PAK3: variants seen among roughly 807,000 people sequenced by gnomAD.
PAK3 encodes p21 (RAC1) activated kinase 3.
PAK3 carries 4 observed loss-of-function variants against 41.0 expected under a neutral mutation model. The observed-to-expected ratio is 0.10, with a 90% confidence interval of 0.05 to 0.22. PAK3 has a LOEUF of 0.22. Among genes scored for constraint, PAK3 ranks in the 10% least tolerant of loss-of-function variants. The probability of loss-of-function intolerance (pLI) is 1.00; values close to 1 mark genes in which losing one functional copy is unlikely to be tolerated. For synonymous variants in PAK3, 146 were observed against 139.6 expected (o/e 1.05, Z -0.32); for missense variants, 205 against 409.9 (o/e 0.50, Z 4.32).
At chrX:111,002,756 G>A (rs962386768) in intron 1 of PAK3, among the ~76,000 whole-genome samples, 8 of 111,700 alleles carry the variant, frequency 7.2e-5, no homozygotes, top group Admixed American at 9.5e-5. Flanking sequence ...AGAGCCAGCA[G>A]CTGCAGTAGA....
intron 1 of PAK3, among the ~76,000 whole-genome samples, chrX:111,015,793 G>T (rs1027693511): frequency 9.0e-6 from 1 of 111,725 alleles, no homozygotes; most frequent in African/African-American, 3.2e-5. Context: ...TTTAAATCAG[G>T]TTATTTGTTG....
intron 3 of PAK3, among the ~76,000 whole-genome samples, chrX:111,099,166 A>G (rs936865973): frequency 8.0e-5 from 9 of 112,203 alleles, no homozygotes; most frequent in Non-Finnish European, 1.7e-4. Flanking sequence ...GTCTATTTCC[A>G]TTTCCTCCCA....
Position 111,139,299 on chromosome X carries a change from A to G in PAK3, c.176-2797A>G, listed in dbSNP as rs1414065384. Among the ~76,000 whole-genome samples the G allele has an allele frequency of 5.4e-5, 6 of 111,690 alleles. No individual in the cohort carries two copies. In the East Asian group the frequency reaches 1.7e-3, roughly 32 times the overall value. On this transcript the variant is annotated intron_variant, in intron 5 of 17. Coordinates refer to ENST00000372007, the MANE Select transcript of PAK3 (RefSeq NM_002578.5). ...GCCAGAACAAGCATTTGTATATGGC[A>G]TCTAGTAAATCTGAAGTACCCAAAA...
chrX:110,967,773 G>T (rs1381605785), intron 1 of PAK3, among the ~76,000 whole-genome samples: 1 of 111,833 alleles, frequency 8.9e-6, no homozygotes, highest in African/African-American at 3.3e-5. Context: ...GGGTCTCTGT[G>T]TACCTTTCAC....
At chrX:111,212,011 G>A (rs2094826955) in intron 16 of PAK3, among the ~76,000 whole-genome samples, 2 of 112,079 alleles carry the variant, frequency 1.8e-5, no homozygotes, top group Non-Finnish European at 3.8e-5. Flanking sequence ...GGGATAGAGA[G>A]AAGTGGATGG....
chrX:111,113,769 T>C (rs764957160), intron 4 of PAK3, among the ~76,000 whole-genome samples: 1 of 109,931 alleles, frequency 9.1e-6, no homozygotes, highest in African/African-American at 3.3e-5. Flanking sequence ...CCCTCTCCCC[T>C]CCCCACTTCC....
Position 111,220,600 on chromosome X carries a change from C to T in PAK3, c.*153C>T. On this transcript the variant is annotated 3_prime_UTR_variant, in exon 18 of 18. Coordinates refer to ENST00000372007, the MANE Select transcript of PAK3 (RefSeq NM_002578.5). ...CTTCTTATAAGCCTTTTTCCTACTC[C>T]CTCAGATTATGTAATTTATTTGTAA... 2.0e-6 allele frequency: 1 copy of T among 491,238 alleles called. No individual in the cohort carries two copies. The highest frequency in any genetic ancestry group is 3.7e-6 in the Non-Finnish European group (1 of 273,479). The allele number at this position is 491,238 out of a possible 1,213,427, so 40.5% of individuals were successfully genotyped here.
chrX:111,078,724 T>C (rs1002010687), intron 1 of PAK3, among the ~76,000 whole-genome samples: 1 of 111,734 alleles, frequency 8.9e-6, no homozygotes, highest in Non-Finnish European at 1.9e-5. Context: ...TGATTAAGCT[T>C]AGTGAGAAAG....
chrX:111,063,937 G>A (rs907880805), intron 1 of PAK3, among the ~76,000 whole-genome samples: 1 of 111,342 alleles, frequency 9.0e-6, no homozygotes, highest in Non-Finnish European at 1.9e-5. Flanking sequence ...CAAGAAAGCT[G>A]GACTCCAAGA....
At chrX:111,027,203 A>G (rs1178812177) in intron 1 of PAK3, among the ~76,000 whole-genome samples, 2 of 74,024 alleles carry the variant, frequency 2.7e-5, no homozygotes, top group Non-Finnish European at 5.3e-5. Flanking sequence ...GAAACCATGA[A>G]GATTCTAGAA....
chrX:111,199,894 A>G (rs922967252), intron 16 of PAK3, among the ~76,000 whole-genome samples: 12 of 111,979 alleles, frequency 1.1e-4, no homozygotes, highest in African/African-American at 3.9e-4. Context: ...TATGAAAGAA[A>G]TGCTTACTCA....
intron 5 of PAK3, among the ~76,000 whole-genome samples, chrX:111,132,311 A>G (rs2093730247): frequency 9.0e-6 from 1 of 111,611 alleles, no homozygotes; most frequent in Non-Finnish European, 1.9e-5. Flanking sequence ...TATTGAGATG[A>G]AAAATAGGCC....
intron 1 of PAK3, among the ~76,000 whole-genome samples, chrX:111,097,157 C>T (rs1468814844): frequency 9.2e-6 from 1 of 108,591 alleles, no homozygotes; most frequent in African/African-American, 3.4e-5. Context: ...TCCTGTTCCC[C>T]TTAGCTCGCT....
intron 11 of PAK3, among the ~76,000 whole-genome samples, chrX:111,180,635 A>G (rs756865060): frequency 1.8e-5 from 2 of 111,748 alleles, no homozygotes; most frequent in African/African-American, 6.5e-5. Flanking sequence ...CTGTGCATGC[A>G]TGTATGTTTG....
intron 1 of PAK3, among the ~76,000 whole-genome samples, chrX:110,971,438 G>A (rs1222222704): frequency 1.8e-5 from 2 of 112,149 alleles, no homozygotes; most frequent in East Asian, 2.8e-4. Flanking sequence ...TTTTATTGCT[G>A]AATAATATTG....
chrX:110,959,280 C>T (rs1477713024), intron 1 of PAK3, among the ~76,000 whole-genome samples: 3 of 111,953 alleles, frequency 2.7e-5, no homozygotes, highest in African/African-American at 6.5e-5. Flanking sequence ...TTCAGAGTTT[C>T]GAGACATCTT....
intron 16 of PAK3, among the ~76,000 whole-genome samples, chrX:111,199,754 C>G (rs932534309): frequency 9.0e-6 from 1 of 111,519 alleles, no homozygotes; most frequent in African/African-American, 3.3e-5. Context: ...ACTTTGCTAC[C>G]ACAAAATCAG....
intron 3 of PAK3, among the ~76,000 whole-genome samples, chrX:111,100,662 G>A (rs1248856628): frequency 8.9e-6 from 1 of 111,941 alleles, no homozygotes; most frequent in East Asian, 2.8e-4. Context: ...CAGCTTCGGT[G>A]CTGAGCAAGA....
intron 1 of PAK3, among the ~76,000 whole-genome samples, chrX:111,025,342 G>A: frequency 9.0e-6 from 1 of 110,833 alleles, no homozygotes; most frequent in Non-Finnish European, 1.9e-5. Context: ...AAAGATAAAT[G>A]AAACAAAAAG....
Sources: gnomAD v4.1 joint callset for allele counts (sites outside exome capture counted in the v4.1 genomes callset) on GRCh38, gnomAD v4.1.1 for gene constraint, MANE v1.5 for transcripts, NCBI Gene and HGNC (gene_info 2026-07-23, HGNC 2026-07-21) for gene names.